Variants in CAMTA1 observed in about 807,000 individuals in gnomAD.
CAMTA1 encodes the protein calmodulin-binding transcription activator 1.
A neutral mutation model predicts 170.9 loss-of-function variants in CAMTA1; 27 were observed. The observed-to-expected ratio is 0.16, with a 90% CI of 0.12 to 0.22. CAMTA1 has a LOEUF of 0.22. Ranked by LOEUF, CAMTA1 falls within the 10% of genes least tolerant of loss-of-function variation. The pLI is 1.00. For missense variants in CAMTA1, 1,619 were observed against 2,217.2 expected, an observed-to-expected ratio of 0.73 and a Z score of 5.42; for synonymous variants, 833 against 891.5, an observed-to-expected ratio of 0.93 and a Z score of 1.17.
intron 5 of CAMTA1, among the ~76,000 whole-genome samples, chr1:7,321,271 C>A (rs1207438925): frequency 6.6e-6 from 1 of 152,220 alleles, no homozygotes; most frequent in Non-Finnish European, 1.5e-5. Flanking sequence ...GCCACTCTGA[C>A]CTTGCTGCTC....
rs773849451 is a variant in CAMTA1, at chr1:7,745,030, A to G, written c.4370+8A>G. 2.5e-6 allele frequency: 4 copies of G among 1,607,204 alleles called. No homozygotes were observed. The South Asian group carries it at 3.3e-5, about 13-fold the overall frequency. On this transcript the variant is annotated splice_region_variant and intron_variant, in intron 17 of 22. Coordinates refer to ENST00000303635, the MANE Select transcript of CAMTA1 (RefSeq NM_015215.4). ...CAGTGCTGCCCAGATCCGGTGAGTAAAGTTACGGAGGTCACTACCCAGCAT... is the reference window on the plus strand; with the variant it reads ...CAGTGCTGCCCAGATCCGGTGAGTAGAGTTACGGAGGTCACTACCCAGCAT...
At chr1:7,402,461 C>T (rs182633319) in intron 5 of CAMTA1, among the ~76,000 whole-genome samples, 241 of 152,298 alleles carry the variant, frequency 1.6e-3, no homozygotes, top group Non-Finnish European at 2.6e-3. Flanking sequence ...CAGCACTGTC[C>T]CCCAGCTTGG....
intron 4 of CAMTA1, among the ~76,000 whole-genome samples, chr1:7,143,273 T>C (rs1645991659): frequency 1.3e-5 from 2 of 152,174 alleles, no homozygotes; most frequent in South Asian, 4.1e-4. Flanking sequence ...CCATCCATGG[T>C]ATACAGGTAG....
At chr1:7,730,293 C>T (rs545849847) in intron 11 of CAMTA1, among the ~76,000 whole-genome samples, 1 of 151,412 alleles carries the variant, frequency 6.6e-6, no homozygotes, top group African/African-American at 2.4e-5. Context: ...CCAGCTCTAT[C>T]GTCTCCTGCG....
chr1:7,648,890 C>T (rs1000212157), intron 7 of CAMTA1, among the ~76,000 whole-genome samples: 3 of 152,204 alleles, frequency 2.0e-5, no homozygotes, highest in Admixed American at 6.5e-5. Context: ...TAAGGAACCC[C>T]GGCCTATAGC....
chr1:6,958,958 A>G (rs140242441), intron 3 of CAMTA1, among the ~76,000 whole-genome samples: 1 of 152,292 alleles, frequency 6.6e-6, no homozygotes, highest in African/African-American at 2.4e-5. Flanking sequence ...AGTACTTGAT[A>G]ATGCTGTAAT....
At chr1:7,170,772 T>C (rs963527213) in intron 4 of CAMTA1, among the ~76,000 whole-genome samples, 1 of 152,220 alleles carries the variant, frequency 6.6e-6, no homozygotes, top group Non-Finnish European at 1.5e-5. Flanking sequence ...TCCAAACATA[T>C]AGGGTTTTTT....
intron 3 of CAMTA1, among the ~76,000 whole-genome samples, chr1:6,947,974 C>T (rs2149461139): frequency 6.6e-6 from 1 of 152,198 alleles, no homozygotes; most frequent in East Asian, 1.9e-4. Context: ...TGAATTGAGA[C>T]AGTTTTACTT....
chr1:7,327,046 C>G (rs2082725866), intron 5 of CAMTA1, among the ~76,000 whole-genome samples: 1 of 152,066 alleles, frequency 6.6e-6, no homozygotes. Flanking sequence ...GCCATTGATT[C>G]AGCAATGAGG....
intron 11 of CAMTA1, among the ~76,000 whole-genome samples, chr1:7,711,049 GT>G (rs1326881974): frequency 6.6e-6 from 1 of 152,138 alleles, no homozygotes; most frequent in African/African-American, 2.4e-5. Context: ...CTCTAACAAA[GT>G]ACCATGGACA....
intron 5 of CAMTA1, among the ~76,000 whole-genome samples, chr1:7,317,109 C>G (rs1303638029): frequency 6.6e-6 from 1 of 152,130 alleles, no homozygotes; most frequent in African/African-American, 2.4e-5. Flanking sequence ...GAGACCAACA[C>G]TGTGAAGGGA....
intron 11 of CAMTA1, among the ~76,000 whole-genome samples, chr1:7,704,971 G>GC (rs2096493613): frequency 8.3e-6 from 1 of 120,928 alleles, no homozygotes; most frequent in Non-Finnish European, 1.8e-5. Flanking sequence ...CGCGCGCGGG[G>GC]CGGGGGCGGG....
chr1:7,456,976 C>CG lies in CAMTA1; in HGVS notation c.439-10852dup, dbSNP rs1233521922. ...GAGTGGAGCGAGGCCCAGCAGAGTT[C>CG]GGCGCCGCCCTCCCGTTCCTCCTCC... is the stretch of plus-strand genomic sequence containing the variant. On this transcript the variant is annotated intron_variant, in intron 5 of 22. Transcript: ENST00000303635. This position sits in a 1 kb window ranked among gnomAD's most constrained non-coding sequence, Gnocchi z 4.9. Among the ~76,000 whole-genome samples, 1 of 152,038 alleles carries CG rather than the reference C, an allele frequency of 6.6e-6. No homozygotes were observed. The highest frequency in any genetic ancestry group is 2.4e-5 in the African/African-American group (1 of 41,380).
chr1:7,023,031 C>T (rs1701578945), intron 3 of CAMTA1, among the ~76,000 whole-genome samples: 2 of 151,974 alleles, frequency 1.3e-5, no homozygotes, highest in South Asian at 4.2e-4. Flanking sequence ...GTTTCTTGTA[C>T]AAAACTGGGA....
intron 6 of CAMTA1, among the ~76,000 whole-genome samples, chr1:7,497,557 G>A (rs1172431496): frequency 1.3e-5 from 2 of 152,216 alleles, no homozygotes; most frequent in Admixed American, 6.5e-5. Flanking sequence ...TCACCCACAC[G>A]TTCCTGGTGA....
At chr1:7,611,264 A>C (rs1469502816) in intron 6 of CAMTA1, among the ~76,000 whole-genome samples, 1 of 152,030 alleles carries the variant, frequency 6.6e-6, no homozygotes, top group African/African-American at 2.4e-5. Context: ...TATTTTGTTC[A>C]TTGTGGATTT....
At chr1:6,990,970 G>A (rs1244057520) in intron 3 of CAMTA1, among the ~76,000 whole-genome samples, 1 of 151,966 alleles carries the variant, frequency 6.6e-6, no homozygotes, top group Non-Finnish European at 1.5e-5. Flanking sequence ...TACCTAATAC[G>A]TAGCTTTAAA....
intron 6 of CAMTA1, among the ~76,000 whole-genome samples, chr1:7,596,602 C>T (rs886333263): frequency 1.3e-5 from 2 of 152,230 alleles, no homozygotes; most frequent in African/African-American, 4.8e-5. Context: ...GGTGCCTGCT[C>T]CTCAGATGAA....
rs1436624128 is a variant in CAMTA1, at chr1:7,456,745, G to A, written c.439-11085G>A. On this transcript the variant is annotated intron_variant, in intron 5 of 22. Coordinates refer to ENST00000303635, the MANE Select transcript of CAMTA1 (RefSeq NM_015215.4). The surrounding 1 kb of genome is among the most constrained non-coding windows in gnomAD (Gnocchi z 4.9). ...GGGCCTGTGCAGGGTGAGGAGCTGG[G>A]CTGCCTTCCCCAAAGCGGTTTGGCA... Among the ~76,000 whole-genome samples, 1 of 152,254 alleles carries A rather than the reference G, an allele frequency of 6.6e-6. No individual in the cohort carries two copies. The highest frequency in any genetic ancestry group is 2.4e-5 in the African/African-American group (1 of 41,476).
Sources: allele counts gnomAD v4.1 joint callset (sites outside exome capture counted in the v4.1 genomes callset), GRCh38; gene constraint gnomAD v4.1.1; non-coding constraint Gnocchi (gnomAD v3.1); transcripts MANE v1.5; gene names NCBI Gene and HGNC (gene_info 2026-07-23, HGNC 2026-07-21).